SLC1A2: variants seen among roughly 807,000 people sequenced by gnomAD.
SLC1A2 encodes solute carrier family 1 member 2, also known as excitatory amino acid transporter 2.
SLC1A2 carries 15 observed loss-of-function variants against 48.8 expected under a neutral mutation model. That is an observed-to-expected ratio of 0.31 (90% confidence interval 0.21 to 0.47). The LOEUF (loss-of-function observed/expected upper bound fraction) is 0.47. Among genes scored for constraint, SLC1A2 ranks in the 20% least tolerant of loss-of-function variants. The pLI is 0.99. For missense variants in SLC1A2, 502 were observed against 730.5 expected (o/e 0.69, Z 3.61); for synonymous variants, 279 against 272.6 (o/e 1.02, Z -0.23).
intron 6 of SLC1A2, among the ~76,000 whole-genome samples, chr11:35,294,471 T>C (rs1302894501): frequency 6.6e-6 from 1 of 152,158 alleles, no homozygotes; most frequent in Non-Finnish European, 1.5e-5. Flanking sequence ...TCTTATAAAT[T>C]ATCAAGGTAG....
intron 1 of SLC1A2, among the ~76,000 whole-genome samples, chr11:35,408,151 C>T: frequency 6.6e-6 from 1 of 152,208 alleles, no homozygotes; most frequent in East Asian, 1.9e-4. Flanking sequence ...CTGCTCACAC[C>T]TACTTGCACT....
intron 1 of SLC1A2, among the ~76,000 whole-genome samples, chr11:35,364,143 C>T (rs1203942201): frequency 1.3e-5 from 2 of 152,182 alleles, no homozygotes; most frequent in Admixed American, 1.3e-4. Context: ...AGAGAAGACA[C>T]TCCCTGCTGT....
chr11:35,278,173 G>A (rs941212280), intron 9 of SLC1A2, among the ~76,000 whole-genome samples: 1 of 151,716 alleles, frequency 6.6e-6, no homozygotes, highest in Non-Finnish European at 1.5e-5. Context: ...ATTTTCTGAT[G>A]ATGAAGGAGC....
chr11:35,292,634 G>T, intron 6 of SLC1A2, 114 bp from the exon 7 acceptor site: 1 of 612,756 alleles, frequency 1.6e-6, no homozygotes, highest in South Asian at 2.3e-5. Context: ...TACAAAAAAA[G>T]ACTTTTGCTG....
chr11:35,287,246 G>A (rs1225667612), intron 7 of SLC1A2, among the ~76,000 whole-genome samples: 4 of 149,730 alleles, frequency 2.7e-5, no homozygotes, highest in South Asian at 2.1e-4. Context: ...CCTTGGATTC[G>A]ATATTGAAGT....
intron 9 of SLC1A2, among the ~76,000 whole-genome samples, chr11:35,270,765 G>A (rs4756204): frequency 0.33 from 50,290 of 152,038 alleles, 9,291 homozygotes; most frequent in South Asian, 0.53. Context: ...GAGATAGAGA[G>A]AGGAAAGAAA....
chr11:35,334,751 G>A (rs750534524), intron 1 of SLC1A2, among the ~76,000 whole-genome samples: 1 of 152,194 alleles, frequency 6.6e-6, no homozygotes, highest in African/African-American at 2.4e-5. Context: ...GTCTACTTTG[G>A]GGGGCAGGAT....
At chr11:35,262,557 TAGTG>T (rs1950409620) in intron 10 of SLC1A2, among the ~76,000 whole-genome samples, 1 of 152,176 alleles carries the variant, frequency 6.6e-6, no homozygotes, top group East Asian at 1.9e-4. Flanking sequence ...AAGTGGGAAA[TAGTG>T]AGACAGAATT....
At chr11:35,345,043 T>G (rs1218415170) in intron 1 of SLC1A2, among the ~76,000 whole-genome samples, 1 of 144,446 alleles carries the variant, frequency 6.9e-6, no homozygotes, top group Non-Finnish European at 1.5e-5. Context: ...CTAAGTGGAG[T>G]TTTGAATGCC....
intron 1 of SLC1A2, among the ~76,000 whole-genome samples, chr11:35,329,493 T>C (rs1413581734): frequency 6.6e-6 from 1 of 152,200 alleles, no homozygotes; most frequent in Non-Finnish European, 1.5e-5. Flanking sequence ...CTCTGTACTT[T>C]CCACTCAATT....
chr11:35,420,046 C>A, upstream of SLC1A2: 2 of 385,656 alleles, frequency 5.2e-6, no homozygotes, highest in East Asian at 8.4e-5. Context: ...CGCCGAAGCT[C>A]GAATAAATCT....
chr11:35,262,852 G>GA (rs1451564058), intron 10 of SLC1A2, among the ~76,000 whole-genome samples: 2 of 152,210 alleles, frequency 1.3e-5, no homozygotes, highest in African/African-American at 4.8e-5. Flanking sequence ...TGCTCAGCTT[G>GA]ACCACTGGTC....
intron 1 of SLC1A2, among the ~76,000 whole-genome samples, chr11:35,340,339 T>C (rs1361643162): frequency 2.0e-5 from 3 of 152,196 alleles, no homozygotes. Flanking sequence ...GGCACAGAGA[T>C]AAAAGGGCTG....
chr11:35,349,481 C>T (rs183669795), intron 1 of SLC1A2, among the ~76,000 whole-genome samples: 12 of 152,000 alleles, frequency 7.9e-5, no homozygotes, highest in Admixed American at 6.5e-4. Flanking sequence ...CCCTGTGGTA[C>T]TGTCTTCCTC....
intron 1 of SLC1A2, among the ~76,000 whole-genome samples, chr11:35,411,568 G>A (rs1488032962): frequency 1.3e-5 from 2 of 152,244 alleles, no homozygotes; most frequent in East Asian, 1.9e-4. Flanking sequence ...AGATCCTCTC[G>A]CCTCAGCCTC....
At chr11:35,283,265 A>G (rs1487404629) in intron 8 of SLC1A2, among the ~76,000 whole-genome samples, 1 of 152,216 alleles carries the variant, frequency 6.6e-6, no homozygotes, top group Non-Finnish European at 1.5e-5. Flanking sequence ...AAGAATTTCT[A>G]ATCACTATTT....
chr11:35,321,074 G>A (rs932342595), intron 1 of SLC1A2, among the ~76,000 whole-genome samples: 1 of 152,148 alleles, frequency 6.6e-6, no homozygotes, highest in Non-Finnish European at 1.5e-5. Context: ...GGAAGAGAAC[G>A]TGTCCTTCTT....
chr11:35,261,607 A>T (rs1950394744), intron 10 of SLC1A2: 1 of 398,272 alleles, frequency 2.5e-6, no homozygotes, highest in African/African-American at 2.1e-5. Context: ...CTCAAAGTGA[A>T]CTGAACCTTT....
At chr11:35,312,152 T>A (rs1416996208) in intron 4 of SLC1A2, 46 bp downstream of exon 4, 6 of 1,598,144 alleles carry the variant, frequency 3.8e-6, no homozygotes, top group South Asian at 1.1e-5. Context: ...ATCGCCTTGA[T>A]AACTTAGAGG....
Sources: gnomAD v4.1 joint callset for allele counts (sites outside exome capture counted in the v4.1 genomes callset) on GRCh38, gnomAD v4.1.1 for gene constraint, MANE v1.5 for transcripts, NCBI Gene and HGNC (gene_info 2026-07-23, HGNC 2026-07-21) for gene names.